The following ROBO2 variants were observed in gnomAD, a reference collection of about 807,000 sequenced individuals.
ROBO2 encodes roundabout homolog 2.
ROBO2 carries 53 observed loss-of-function variants against 160.8 expected under a neutral mutation model. The observed-to-expected ratio is 0.33, with a 90% CI of 0.26 to 0.41. ROBO2 has a LOEUF of 0.41. ROBO2 is among the 10% of genes least tolerant of loss of function. The pLI is 1.00. For missense variants in ROBO2, 1,577 were observed against 1,722.4 expected (o/e 0.92, Z 1.49); for synonymous variants, 664 against 611.7 (o/e 1.09, Z -1.26).
intron 2 of ROBO2, among the ~76,000 whole-genome samples, chr3:76,634,973 A>G (rs545904776): frequency 1.8e-4 from 28 of 152,342 alleles, no homozygotes; most frequent in African/African-American, 6.5e-4. Flanking sequence ...CCTTATGACA[A>G]TATAATGCCT....
At chr3:76,640,745 G>T (rs935867251) in intron 2 of ROBO2, among the ~76,000 whole-genome samples, 2 of 151,790 alleles carry the variant, frequency 1.3e-5, no homozygotes, top group Non-Finnish European at 2.9e-5. Flanking sequence ...AGGAACCAGG[G>T]TTTCTTGGAG....
At chr3:76,969,893 C>A (rs2059491211) in intron 2 of ROBO2, among the ~76,000 whole-genome samples, 1 of 152,000 alleles carries the variant, frequency 6.6e-6, no homozygotes, top group Non-Finnish European at 1.5e-5. Flanking sequence ...GACAAGTTTT[C>A]TTTGAAAATC....
At position 76,443,898 on chromosome 3, in the gene ROBO2, G is replaced by C. The variant is rs2077045515; in HGVS notation, c.109+506296G>C. 2.0e-5 allele frequency among the ~76,000 whole-genome samples: 3 copies of C among 152,120 alleles called. No homozygotes were observed. In the South Asian group the frequency reaches 6.2e-4, roughly 31 times the overall value. The stretch of plus-strand genomic sequence containing the variant: ...GTTTTGACCTACTTTGATGGAATTT[G>C]TGGCAGAATGTTCATATGCAAGAAA... On this transcript the variant is annotated intron_variant, in intron 2 of 26. Coordinates refer to the ROBO2 transcript ENST00000487694.
At chr3:76,619,339 C>CAA (rs10629440) in intron 2 of ROBO2, among the ~76,000 whole-genome samples, 29,728 of 137,152 alleles carry the variant, frequency 0.22, 3,273 homozygotes, top group Non-Finnish European at 0.23. Flanking sequence ...GACTCCGTCT[C>CAA]AAAAAAAAAA....
At chr3:77,053,350 A>G (rs561099629) in intron 1 of ROBO2, among the ~76,000 whole-genome samples, 162 of 152,290 alleles carry the variant, frequency 1.1e-3, no homozygotes, top group African/African-American at 3.5e-3. Context: ...CTTATTTTTT[A>G]TATAGCAGCT....
chr3:76,512,571 G>A (rs1379673525), intron 2 of ROBO2, among the ~76,000 whole-genome samples: 1 of 152,050 alleles, frequency 6.6e-6, no homozygotes, highest in Non-Finnish European at 1.5e-5. Flanking sequence ...TCAGTAGCCT[G>A]TAAATTCAGT....
chr3:76,830,624 A>G (rs1464726672), intron 2 of ROBO2, among the ~76,000 whole-genome samples: 1 of 151,992 alleles, frequency 6.6e-6, no homozygotes, highest in Admixed American at 6.6e-5. Context: ...ATGACTTTCC[A>G]CATGTTGTTT....
At chr3:77,405,354 G>C (rs951652075) in intron 2 of ROBO2, among the ~76,000 whole-genome samples, 14 of 151,930 alleles carry the variant, frequency 9.2e-5, no homozygotes, top group Non-Finnish European at 1.9e-4. Context: ...AGCTTTCTTT[G>C]TAAAATATAT....
At chr3:76,201,357 C>T (rs1202446883) in intron 2 of ROBO2, among the ~76,000 whole-genome samples, 2 of 152,142 alleles carry the variant, frequency 1.3e-5, no homozygotes, top group African/African-American at 2.4e-5. Flanking sequence ...ATTCTTAGGA[C>T]CGTCATGCAT....
chr3:76,053,043 AAAT>A (rs1381699851), intron 2 of ROBO2, among the ~76,000 whole-genome samples: 1 of 152,034 alleles, frequency 6.6e-6, no homozygotes, highest in African/African-American at 2.4e-5. Flanking sequence ...CAGTTATAAG[AAAT>A]AATACAGAGA....
intron 2 of ROBO2, among the ~76,000 whole-genome samples, chr3:76,066,372 T>A (rs916966209): frequency 2.6e-5 from 4 of 152,088 alleles, no homozygotes; most frequent in Non-Finnish European, 5.9e-5. Context: ...TACTCAAAAT[T>A]ATTTAATTAT....
chr3:75,928,762 G>T (rs1192996397), intron 1 of ROBO2, among the ~76,000 whole-genome samples: 1 of 152,082 alleles, frequency 6.6e-6, no homozygotes, highest in African/African-American at 2.4e-5. Context: ...ATCTGCAGCT[G>T]GTTAAGACGT....
intron 7 of ROBO2, among the ~76,000 whole-genome samples, chr3:77,550,012 A>G (rs955066730): frequency 9.8e-6 from 1 of 102,302 alleles, no homozygotes; most frequent in African/African-American, 3.7e-5. Flanking sequence ...TCTTAATTGA[A>G]CAACAGTAAA....
chr3:76,561,014 C>T (rs1485018487), intron 2 of ROBO2, among the ~76,000 whole-genome samples: 1 of 146,862 alleles, frequency 6.8e-6, no homozygotes, highest in East Asian at 2.0e-4. Flanking sequence ...GCTCAACAGT[C>T]AAGCTATAAT....
rs144547474 is a variant in ROBO2 at position 76,309,498 on chromosome 3, A to G, written c.109+371896A>G. 7.2e-4 allele frequency among the ~76,000 whole-genome samples: 110 copies of G among 152,310 alleles called. 2 individuals are homozygous for G. In the East Asian group the frequency reaches 0.021, roughly 29 times the overall value. ...TTCCTTTTTATAAAAACAAATTGTA[A>G]TAACTGTATTTTCAAATTTAATATG... On this transcript the variant is annotated intron_variant, in intron 2 of 26. Coordinates refer to the ROBO2 transcript ENST00000487694.
At chr3:76,328,154 A>G (rs543616694) in intron 2 of ROBO2, among the ~76,000 whole-genome samples, 36 of 152,342 alleles carry the variant, frequency 2.4e-4, no homozygotes, top group African/African-American at 8.7e-4. Flanking sequence ...TGATATATCT[A>G]TCTTGGGACC....
Position 77,045,743 on chromosome 3 carries a change from C to A in ROBO2, c.61+4897C>A, listed in dbSNP as rs187248531. Among the ~76,000 whole-genome samples, 354 of 152,284 alleles carry A rather than the reference C, an allele frequency of 2.3e-3. 5 individuals carry two copies. Among genetic ancestry groups the A allele is most frequent in the African/African-American group, 7.8e-3 (324 of 41,552 alleles). On this transcript the variant is annotated intron_variant, in intron 1 of 25. Transcript: ENST00000461745. The stretch of plus-strand genomic sequence containing the variant: ...TAACTTTAAAATGTTCTTAATTACC[C>A]AAGAAAGAAACTATGTAGCTTGTTC...
At chr3:76,338,435 G>A (rs1460881954) in intron 2 of ROBO2, among the ~76,000 whole-genome samples, 3 of 152,046 alleles carry the variant, frequency 2.0e-5, no homozygotes, top group African/African-American at 7.2e-5. Flanking sequence ...CCAGCATTTA[G>A]GGAGGTCAAG....
At chr3:77,219,490 T>TATAC (rs2085483706) in intron 2 of ROBO2, among the ~76,000 whole-genome samples, 1 of 49,302 alleles carries the variant, frequency 2.0e-5, no homozygotes, top group African/African-American at 1.0e-4. Flanking sequence ...ATATAATCTG[T>TATAC]ATATATATAT....
Sources: gnomAD v4.1 joint callset for allele counts (sites outside exome capture counted in the v4.1 genomes callset) on GRCh38, gnomAD v4.1.1 for gene constraint, MANE v1.5 for transcripts, NCBI Gene and HGNC (gene_info 2026-07-23, HGNC 2026-07-21) for gene names.